TMEM230: variants seen among roughly 807,000 people sequenced by gnomAD.
TMEM230 encodes the protein UPF0414 transmembrane protein C20orf30.
A neutral mutation model predicts 15.8 loss-of-function variants in TMEM230; 10 were observed. The ratio of observed to expected loss-of-function variants is 0.63; its 90% CI spans 0.39 to 1.07. The LOEUF (loss-of-function observed/expected upper bound fraction) is 1.07, where lower values mean the gene tolerates loss of function less well. Among genes scored for constraint, TMEM230 ranks in the 50% least tolerant of loss-of-function variants. TMEM230 has a pLI of 0.01. For synonymous variants in TMEM230, 67 were observed against 76.9 expected, an observed-to-expected ratio of 0.87 and a Z score of 0.68; for missense variants, 165 against 193.3, an observed-to-expected ratio of 0.85 and a Z score of 0.87.
intron 3 of TMEM230, chr20:5,069,410 A>T (rs2088753764): frequency 2.0e-6 from 3 of 1,470,316 alleles, no homozygotes; most frequent in Non-Finnish European, 2.7e-6. Context: ...ACCCTCAAAA[A>T]ATCCTAATTG....
intron 3 of TMEM230, among the ~76,000 whole-genome samples, chr20:5,084,514 G>A (rs1169102426): frequency 2.0e-5 from 3 of 151,300 alleles, no homozygotes; most frequent in East Asian, 2.0e-4. Flanking sequence ...GAGCCACTGC[G>A]CCCGTCTTCT....
chr20:5,071,400 A>AGGCCAGGCAG (rs2088819169), intron 3 of TMEM230, among the ~76,000 whole-genome samples: 1 of 151,974 alleles, frequency 6.6e-6, no homozygotes. Flanking sequence ...CGAGGCAGGC[A>AGGCCAGGCAG]GATCACCTCA....
At chr20:5,064,721 T>C (rs2122515743), downstream of TMEM230, among the ~76,000 whole-genome samples, 1 of 151,908 alleles carries the variant, frequency 6.6e-6, no homozygotes, top group Non-Finnish European at 1.5e-5. Context: ...CAAAACTCAA[T>C]AATAAATTTT....
chr20:5,062,997 A>G, the TMEM230 span, among the ~76,000 whole-genome samples: 37 of 152,238 alleles, frequency 2.4e-4, no homozygotes, highest in Admixed American at 9.2e-4. Context: ...TCTGAGCACC[A>G]TATTGCCTTC....
intron 3 of TMEM230, among the ~76,000 whole-genome samples, chr20:5,072,527 A>G (rs916365120): frequency 1.3e-5 from 2 of 151,780 alleles, no homozygotes; most frequent in Non-Finnish European, 2.9e-5. Context: ...CCGTGAGACT[A>G]TAAGAACATG....
At chr20:5,065,803 A>G (rs530926889), downstream of TMEM230, among the ~76,000 whole-genome samples, 40 of 152,276 alleles carry the variant, frequency 2.6e-4, no homozygotes, top group African/African-American at 9.1e-4. Context: ...CACTGGTTGT[A>G]TGTAGTAGGG....
intron 3 of TMEM230, among the ~76,000 whole-genome samples, chr20:5,083,601 A>G (rs989242313): frequency 1.1e-4 from 17 of 152,164 alleles, no homozygotes; most frequent in African/African-American, 4.1e-4. Flanking sequence ...TTATCTTATT[A>G]TAATTTATTT....
At chr20:5,075,319 C>A in intron 3 of TMEM230, among the ~76,000 whole-genome samples, 1 of 151,726 alleles carries the variant, frequency 6.6e-6, no homozygotes. Flanking sequence ...CCCGTCTCGG[C>A]CTCCCAAAGT....
At chr20:5,075,609 C>T (rs949870331) in intron 3 of TMEM230, among the ~76,000 whole-genome samples, 6 of 151,510 alleles carry the variant, frequency 4.0e-5, no homozygotes, top group African/African-American at 1.5e-4. Flanking sequence ...CCTATAATCC[C>T]AGCTACTCGG....
At chr20:5,110,264 T>C (rs1190909906) in intron 2 of TMEM230, among the ~76,000 whole-genome samples, 2 of 151,516 alleles carry the variant, frequency 1.3e-5, no homozygotes, top group Non-Finnish European at 2.9e-5. Flanking sequence ...TTCACCATGG[T>C]GGCCGGGCTG....
chr20:5,095,823 G>A (rs972700560), downstream of TMEM230, among the ~76,000 whole-genome samples: 10 of 152,196 alleles, frequency 6.6e-5, no homozygotes, highest in South Asian at 2.1e-4. Flanking sequence ...TGATGCTGCC[G>A]GTCCACAGAC....
intron 1 of TMEM230, chr20:5,111,687 A>G (rs140118813): frequency 4.4e-5 from 21 of 482,158 alleles, no homozygotes; most frequent in African/African-American, 4.2e-4. Flanking sequence ...ACATAAAAAA[A>G]GGACTAGTTT....
Position 5,069,296 on chromosome 20 carries a change from TG to T in TMEM230, c.275del (p.Pro92GlnfsTer7). ...CTCCCATCATGTACCCACGGGATGC[TG>T]GTAGATGTTTGTGGTCAGCTTTCTT... is the stretch of plus-strand genomic sequence containing the variant. On this transcript the variant is annotated frameshift_variant, in exon 4 of 4. Transcript: ENST00000612323. LOFTEE classifies it low-confidence loss of function (END_TRUNC). 3.3e-6 allele frequency: 5 copies of T among 1,535,998 alleles called. No homozygotes were observed. Among genetic ancestry groups the T allele is most frequent in the Non-Finnish European group, 4.4e-6 (5 of 1,146,838 alleles).
At chr20:5,083,883 A>C (rs942071881) in intron 3 of TMEM230, among the ~76,000 whole-genome samples, 1 of 152,236 alleles carries the variant, frequency 6.6e-6, no homozygotes, top group Non-Finnish European at 1.5e-5. Flanking sequence ...GGTTCAGGGA[A>C]TACATGTGCA....
At chr20:5,077,504 G>A (rs1420900378) in intron 3 of TMEM230, among the ~76,000 whole-genome samples, 1 of 137,168 alleles carries the variant, frequency 7.3e-6, no homozygotes, top group Non-Finnish European at 1.7e-5. Context: ...TTCCAGACCA[G>A]CCTGGTCAAC....
chr20:5,092,908 T>G (rs2089552776), intron 3 of TMEM230, among the ~76,000 whole-genome samples: 1 of 152,160 alleles, frequency 6.6e-6, no homozygotes, highest in African/African-American at 2.4e-5. Context: ...GCAGTGAACA[T>G]ACTGAAAGCT....
intron 3 of TMEM230, among the ~76,000 whole-genome samples, chr20:5,085,846 A>G (rs1224695430): frequency 1.3e-5 from 2 of 151,968 alleles, no homozygotes; most frequent in African/African-American, 4.8e-5. Flanking sequence ...CCAATATCTC[A>G]CCTGCCTGCA....
intron 3 of TMEM230, among the ~76,000 whole-genome samples, chr20:5,108,948 A>G (rs1412353050): frequency 1.3e-5 from 2 of 152,208 alleles, no homozygotes; most frequent in Admixed American, 6.5e-5. Context: ...GGCTTTGACT[A>G]AAGTGTAAAT....
intron 1 of TMEM230, chr20:5,111,717 T>A (rs1209912454): frequency 3.3e-6 from 3 of 914,830 alleles, no homozygotes; most frequent in South Asian, 9.7e-5. Context: ...ATGGCATTTT[T>A]AAAATTCATC....
Sources: gnomAD v4.1 joint callset for allele counts (sites outside exome capture counted in the v4.1 genomes callset) on GRCh38, gnomAD v4.1.1 for gene constraint, MANE v1.5 for transcripts, NCBI Gene and HGNC (gene_info 2026-07-23, HGNC 2026-07-21) for gene names.